Variants in LNP1 observed in about 807,000 individuals in gnomAD.
LNP1 encodes the protein leukemia NUP98 fusion partner 1.
Under a neutral mutation model 14.5 loss-of-function variants are expected in LNP1, and 12 were observed. That is an observed-to-expected ratio of 0.83 (90% CI 0.53 to 1.34). The LOEUF (loss-of-function observed/expected upper bound fraction) is 1.34. Ranked by LOEUF, LNP1 falls within the 40% of genes most tolerant of loss-of-function variation. LNP1 has a pLI of 0.00. For synonymous variants in LNP1, 75 were observed against 71.4 expected (o/e 1.05, Z -0.26); for missense variants, 198 against 210.9 (o/e 0.94, Z 0.38).
At chr3:100,446,448 T>C (rs1707387188) in intron 2 of LNP1, among the ~76,000 whole-genome samples, 1 of 152,122 alleles carries the variant, frequency 6.6e-6, no homozygotes, top group Admixed American at 6.5e-5. Context: ...CAAAAATTAA[T>C]TCAAGATGGA....
chr3:100,414,461 C>T (rs1246753811), intron 1 of LNP1, among the ~76,000 whole-genome samples: 3 of 151,762 alleles, frequency 2.0e-5, no homozygotes, highest in Admixed American at 6.6e-5. Context: ...GCAGGAGAAT[C>T]GCTTGAACCT....
At chr3:100,454,189 C>G (rs1428613503) in intron 3 of LNP1, among the ~76,000 whole-genome samples, 2 of 152,098 alleles carry the variant, frequency 1.3e-5, no homozygotes. Context: ...CTCAAAAACT[C>G]TTTTTCACAG....
chr3:100,401,745 TA>T lies in LNP1; in HGVS notation c.-727del, dbSNP rs975332854. On this transcript the variant is annotated 5_prime_UTR_variant, in exon 1 of 4. The change creates a new upstream start codon in the 5' untranslated region. Transcript: ENST00000383693. ...TTTAGTTTGGACGAATTTGAGGTTA[TA>T]GGGGAGATAGCGATGGCAGAAGACT... 1 of 152,238 alleles carries T rather than the reference TA, an allele frequency of 6.6e-6. No homozygotes were observed. Among genetic ancestry groups the T allele is most frequent in the African/African-American group, 2.4e-5 (1 of 41,466 alleles). 9.4% of individuals were successfully genotyped at this position (152,238 alleles called of 1,614,324 possible). A position where few individuals can be genotyped will look rare whatever the true frequency, so the allele number is the denominator to read the frequency against.
chr3:100,417,593 G>A (rs2087203888), intron 1 of LNP1, among the ~76,000 whole-genome samples: 3 of 151,484 alleles, frequency 2.0e-5, no homozygotes, highest in Admixed American at 1.3e-4. Flanking sequence ...TGGTCAGGCC[G>A]GTCTTGAACT....
chr3:100,452,202 C>CTT (rs1321009854), intron 3 of LNP1, among the ~76,000 whole-genome samples: 2,620 of 129,256 alleles, frequency 0.02, 38 homozygotes, highest in East Asian at 0.053. Flanking sequence ...GTTTTTCTTT[C>CTT]TTTTTTTTTT....
At chr3:100,405,484 TG>T (rs1354000069) in intron 1 of LNP1, among the ~76,000 whole-genome samples, 1 of 152,136 alleles carries the variant, frequency 6.6e-6, no homozygotes, top group African/African-American at 2.4e-5. Flanking sequence ...TTCCTGAGGA[TG>T]GGGGTTTGAG....
At chr3:100,436,911 C>T (rs893382828) in intron 2 of LNP1, among the ~76,000 whole-genome samples, 3 of 152,148 alleles carry the variant, frequency 2.0e-5, no homozygotes, top group Non-Finnish European at 2.9e-5. Context: ...TCTCTATCCC[C>T]ACATATGCAT....
intron 2 of LNP1, among the ~76,000 whole-genome samples, chr3:100,446,464 G>T (rs1576236424): frequency 6.6e-6 from 1 of 152,170 alleles, no homozygotes. Context: ...ATGGATTAAA[G>T]ACTTAAATAT....
chr3:100,456,091 G>A lies in LNP1; in HGVS notation c.*165G>A. The A allele has an allele frequency of 1.6e-6, 1 of 611,124 alleles. No individual in the cohort carries two copies. The highest frequency in any genetic ancestry group is 2.8e-6 in the Non-Finnish European group (1 of 354,306). The allele number at this position is 611,124 out of a possible 1,614,324, so 37.9% of individuals were successfully genotyped here. On this transcript the variant is annotated 3_prime_UTR_variant, in exon 4 of 4. Coordinates refer to ENST00000383693, the MANE Select transcript of LNP1 (RefSeq NM_001085451.2). ...ACTGCAGTGGGCAGGGTATGTAGCTGCTCCAAGATGACTTGCATCATACCC... is the reference window on the plus strand; with the variant it reads ...ACTGCAGTGGGCAGGGTATGTAGCTACTCCAAGATGACTTGCATCATACCC...
chr3:100,406,000 T>C lies in LNP1; in HGVS notation c.-34+3561T>C, dbSNP rs777167187. Among the ~76,000 whole-genome samples, 91 of 152,150 alleles carry C rather than the reference T, an allele frequency of 6.0e-4. 3 individuals are homozygous for C. Among genetic ancestry groups the C allele is most frequent in the South Asian group, 1.2e-3 (6 of 4,838 alleles). On this transcript the variant is annotated intron_variant, in intron 1 of 3. Transcript: ENST00000383693. ...ACCTAGCACTATTAGAAATTACCTA[T>C]GTGGGCCGGGTGCAGTGGCTTGTGC...
At chr3:100,439,459 C>T (rs1707324488) in intron 2 of LNP1, among the ~76,000 whole-genome samples, 1 of 152,172 alleles carries the variant, frequency 6.6e-6, no homozygotes, top group African/African-American at 2.4e-5. Context: ...ACTATGCCAG[C>T]AAGCTTCTTC....
At chr3:100,448,747 C>T (rs1383849296) in intron 2 of LNP1, among the ~76,000 whole-genome samples, 1 of 151,988 alleles carries the variant, frequency 6.6e-6, no homozygotes, top group Non-Finnish European at 1.5e-5. Context: ...TTTCTTTAAA[C>T]CAATTAGTTA....
chr3:100,407,929 C>T (rs1706987020), intron 1 of LNP1, among the ~76,000 whole-genome samples: 1 of 152,094 alleles, frequency 6.6e-6, no homozygotes, highest in African/African-American at 2.4e-5. Context: ...CAAAATTGGT[C>T]TGATTTTATT....
At chr3:100,443,593 T>TA (rs764616899) in intron 2 of LNP1, among the ~76,000 whole-genome samples, 5 of 152,208 alleles carry the variant, frequency 3.3e-5, no homozygotes, top group Non-Finnish European at 5.9e-5. Context: ...ATAAGAACGT[T>TA]ACATTCTTTA....
At chr3:100,406,825 G>A (rs375680671) in intron 1 of LNP1, among the ~76,000 whole-genome samples, 4 of 152,254 alleles carry the variant, frequency 2.6e-5, no homozygotes, top group Middle Eastern at 3.4e-3. Context: ...GAGCCACTTC[G>A]CCTGGCTGAT....
At chr3:100,426,749 C>T (rs967850380) in intron 1 of LNP1, among the ~76,000 whole-genome samples, 1 of 151,988 alleles carries the variant, frequency 6.6e-6, no homozygotes, top group Non-Finnish European at 1.5e-5. Flanking sequence ...ATGGAGATTT[C>T]AGTACTTAAA....
At chr3:100,405,230 C>G (rs1706954078) in intron 1 of LNP1, among the ~76,000 whole-genome samples, 1 of 152,122 alleles carries the variant, frequency 6.6e-6, no homozygotes, top group African/African-American at 2.4e-5. Context: ...TATTTATATA[C>G]ACACATAAAC....
rs1189455712 is a variant in LNP1 at position 100,411,596 on chromosome 3, G to T, written c.-34+9157G>T. On this transcript the variant is annotated intron_variant, in intron 1 of 3. Transcript: ENST00000383693. ...AAATTTGTTTATCATGCTTCTGGAG[G>T]CTGGGGAGTCCCAGATCAAAGTTCA... Among the ~76,000 whole-genome samples the T allele has an allele frequency of 3.9e-5, 6 of 152,300 alleles. No individual in the cohort carries two copies. The East Asian group carries it at 1.2e-3, about 29-fold the overall frequency.
At chr3:100,412,678 A>G (rs1253233751) in intron 1 of LNP1, among the ~76,000 whole-genome samples, 2 of 152,138 alleles carry the variant, frequency 1.3e-5, no homozygotes, top group South Asian at 2.1e-4. Context: ...CTCTAATTCT[A>G]TATGTCAGAG....
Sources: gnomAD v4.1 joint callset for allele counts (sites outside exome capture counted in the v4.1 genomes callset) on GRCh38, gnomAD v4.1.1 for gene constraint, MANE v1.5 for transcripts, NCBI Gene and HGNC (gene_info 2026-07-23, HGNC 2026-07-21) for gene names.